SYNE1: variants seen among roughly 807,000 people sequenced by gnomAD.
SYNE1 encodes nesprin-1.
In SYNE1, 616 loss-of-function variants were observed where a neutral mutation model predicts 1,111.0. That is an observed-to-expected ratio of 0.55 (90% CI 0.52 to 0.59). The LOEUF (loss-of-function observed/expected upper bound fraction) is 0.59, where lower values mean the gene tolerates loss of function less well. Among genes scored for constraint, SYNE1 ranks in the 20% least tolerant of loss-of-function variants. The probability of loss-of-function intolerance (pLI) is 0.00; values close to 1 mark genes in which losing one functional copy is unlikely to be tolerated. For missense variants in SYNE1, 10,006 were observed against 10,417.0 expected, an observed-to-expected ratio of 0.96 and a Z score of 1.72; for synonymous variants, 3,855 against 3,825.8, an observed-to-expected ratio of 1.01 and a Z score of -0.28.
intron 108 of SYNE1, among the ~76,000 whole-genome samples, chr6:152,238,649 G>A (rs1375476536): frequency 3.3e-5 from 5 of 152,102 alleles, no homozygotes; most frequent in Admixed American, 2.6e-4. Flanking sequence ...GTGGGAGTGG[G>A]TGGGGAAGTC....
intron 140 of SYNE1, among the ~76,000 whole-genome samples, chr6:152,138,271 G>A (rs1427721057): frequency 6.6e-6 from 1 of 152,130 alleles, no homozygotes; most frequent in Non-Finnish European, 1.5e-5. Flanking sequence ...AGCAATTTGG[G>A]AGGCCGAGGC....
rs1306912852 is a variant in SYNE1 at position 152,330,501 on chromosome 6, C to T, written c.14184G>A (p.Glu4728=). Residue 4728 remains glutamate, a synonymous_variant, in exon 78 of 146, where the codon GAG becomes GAA. Coordinates refer to ENST00000367255, the MANE Select transcript of SYNE1 (RefSeq NM_182961.4). ...TTTTCTGGTTCAGTTCATCCACCGC[C>T]TCCCCAAGGCCCGCCACCTCGTCCA... ...AILDEVAGLG[E]AVDELNQKKE... 1.9e-6 allele frequency: 3 copies of T among 1,614,158 alleles called. No homozygotes were observed. Among genetic ancestry groups the T allele is most frequent in the Non-Finnish European group, 2.5e-6 (3 of 1,180,034 alleles).
intron 130 of SYNE1, among the ~76,000 whole-genome samples, chr6:152,175,491 C>G (rs1451211824): frequency 6.6e-6 from 1 of 152,172 alleles, no homozygotes; most frequent in Non-Finnish European, 1.5e-5. Flanking sequence ...CCAAATGGCA[C>G]CATTTGTAAC....
At chr6:152,237,250 C>A (rs555420135) in intron 108 of SYNE1, among the ~76,000 whole-genome samples, 1 of 151,708 alleles carries the variant, frequency 6.6e-6, no homozygotes, top group South Asian at 2.1e-4. Flanking sequence ...GCTATCTTCT[C>A]CATCATGAGG....
chr6:152,484,760 T>C, intron 13 of SYNE1, 75 bp downstream of exon 13: 1 of 1,519,966 alleles, frequency 6.6e-7, no homozygotes, highest in African/African-American at 1.4e-5. Context: ...CATACCACTG[T>C]GTAGAAATAG....
intron 64 of SYNE1, among the ~76,000 whole-genome samples, chr6:152,361,127 G>A (rs775179808): frequency 6.6e-6 from 1 of 152,192 alleles, no homozygotes; most frequent in Non-Finnish European, 1.5e-5. Flanking sequence ...ACAGAGCAAG[G>A]ACCTTCTGTA....
chr6:152,398,777 A>T, intron 48 of SYNE1, 46 bp from the exon 49 acceptor site: 1 of 1,505,808 alleles, frequency 6.6e-7, no homozygotes. Flanking sequence ...AATCAGAAGC[A>T]AATCCAAAAC....
intron 4 of SYNE1, among the ~76,000 whole-genome samples, chr6:152,533,022 T>C (rs1447317713): frequency 6.6e-6 from 1 of 152,166 alleles, no homozygotes; most frequent in Non-Finnish European, 1.5e-5. Context: ...CCAGATCAAG[T>C]AAATCATGAT....
intron 3 of SYNE1, among the ~76,000 whole-genome samples, chr6:152,564,726 G>A (rs375383307): frequency 2.0e-5 from 3 of 152,132 alleles, no homozygotes; most frequent in Non-Finnish European, 4.4e-5. Flanking sequence ...TCACTCTTCA[G>A]TAGAGGCCAA....
At chr6:152,193,248 G>A (rs1445522289) in intron 127 of SYNE1, among the ~76,000 whole-genome samples, 2 of 151,822 alleles carry the variant, frequency 1.3e-5, no homozygotes, top group Admixed American at 1.3e-4. Flanking sequence ...TCAGACTTGA[G>A]GTTACCATGA....
In SYNE1 at chr6:152,278,176, G is replaced by C. The variant is rs140168690; in HGVS notation, c.18486C>G (p.Ala6162=). ...LEGKAHTKDE[A]EQLAGKLRRL... is the part of the protein sequence containing the mutation. Reference sequence around the variant, plus strand: ...TTCTCAGCTTTCCAGCCAGCTGCTCGGCCTCGTCCTTGGTGTGAGCTTTGC... The same window carrying C: ...TTCTCAGCTTTCCAGCCAGCTGCTCCGCCTCGTCCTTGGTGTGAGCTTTGC... The change falls in exon 98 of 146, where the codon GCC becomes GCG. Residue 6162 remains alanine (A), a synonymous_variant. Coordinates refer to ENST00000367255, the MANE Select transcript of SYNE1 (RefSeq NM_182961.4). 1.4e-5 allele frequency: 23 copies of C among 1,614,016 alleles called. No individual in the cohort carries two copies. Among genetic ancestry groups the C allele is most frequent in the African/African-American group, 5.3e-5 (4 of 74,914 alleles).
At chr6:152,506,831 C>T (rs1247407869) in intron 8 of SYNE1, among the ~76,000 whole-genome samples, 1 of 152,126 alleles carries the variant, frequency 6.6e-6, no homozygotes, top group Non-Finnish European at 1.5e-5. Context: ...CCTGCCTCGG[C>T]CCCCCAAAGT....
intron 138 of SYNE1, among the ~76,000 whole-genome samples, chr6:152,141,819 C>T (rs1336777466): frequency 6.6e-6 from 1 of 152,006 alleles, no homozygotes; most frequent in Non-Finnish European, 1.5e-5. Flanking sequence ...GCCTCTAATC[C>T]CAGCACTTTG....
intron 106 of SYNE1, 112 bp downstream of exon 106, chr6:152,244,425 G>A: frequency 3.3e-6 from 5 of 1,528,760 alleles, no homozygotes; most frequent in Non-Finnish European, 4.5e-6. Flanking sequence ...GAAAGGTTAG[G>A]ACCTAAGTGG....
Position 152,122,233 on chromosome 6 carries a change from CTTG to C in SYNE1, c.*200_*202del, listed in dbSNP as rs1447136168. 1.3e-6 allele frequency: 1 copy of C among 770,398 alleles called. No homozygotes were observed. The highest frequency in any genetic ancestry group is 1.7e-5 in the African/African-American group (1 of 57,572). 47.7% of individuals were successfully genotyped at this position (770,398 alleles called of 1,614,324 possible). On this transcript the variant is annotated 3_prime_UTR_variant, in exon 146 of 146. Transcript: ENST00000367255. ...TCAAACCAGATTTCTTCCAAACCTT[CTTG>C]TTGTCTGTTTGTTCCCCCGTCACTG... is the stretch of plus-strand genomic sequence containing the variant.
intron 127 of SYNE1, among the ~76,000 whole-genome samples, chr6:152,200,967 G>C (rs2075289296): frequency 6.6e-6 from 1 of 152,070 alleles, no homozygotes; most frequent in South Asian, 2.1e-4. Context: ...TAAATGCTTA[G>C]GATTTCTTTG....
chr6:152,617,832 A>G (rs1156438725), intron 3 of SYNE1, among the ~76,000 whole-genome samples: 1 of 152,224 alleles, frequency 6.6e-6, no homozygotes, highest in Non-Finnish European at 1.5e-5. Flanking sequence ...GAGTCTTGAA[A>G]CTTGAGAAAG....
intron 2 of SYNE1, among the ~76,000 whole-genome samples, chr6:152,630,329 C>T (rs1053307673): frequency 6.6e-6 from 1 of 151,948 alleles, no homozygotes; most frequent in Non-Finnish European, 1.5e-5. Flanking sequence ...GAAGTAGGAC[C>T]CAATACTTGG....
intron 97 of SYNE1, among the ~76,000 whole-genome samples, chr6:152,281,529 C>T (rs933334512): frequency 6.6e-6 from 1 of 152,172 alleles, no homozygotes; most frequent in Admixed American, 6.5e-5. Context: ...TTAATAAGTA[C>T]TAAATACAGA....
Sources: allele counts gnomAD v4.1 joint callset (sites outside exome capture counted in the v4.1 genomes callset), GRCh38; gene constraint gnomAD v4.1.1; transcripts MANE v1.5; gene names NCBI Gene and HGNC (gene_info 2026-07-23, HGNC 2026-07-21).